Variants in CIT observed in about 807,000 individuals in gnomAD.
CIT encodes citron Rho-interacting kinase.
A neutral mutation model predicts 272.7 loss-of-function variants in CIT; 79 were observed. That is an observed-to-expected ratio of 0.29 (90% CI 0.24 to 0.35). The LOEUF (loss-of-function observed/expected upper bound fraction) is 0.35, where lower values mean the gene tolerates loss of function less well. Among genes scored for constraint, CIT ranks in the 10% least tolerant of loss-of-function variants. CIT has a pLI of 1.00. For missense variants in CIT, 1,909 were observed against 2,618.3 expected, an observed-to-expected ratio of 0.73 and a Z score of 5.91; for synonymous variants, 948 against 995.6, an observed-to-expected ratio of 0.95 and a Z score of 0.90.
intron 5 of CIT, among the ~76,000 whole-genome samples, chr12:119,838,223 C>G (rs962488591): frequency 6.6e-6 from 1 of 151,984 alleles, no homozygotes; most frequent in South Asian, 2.1e-4. Flanking sequence ...CAGGCATGCG[C>G]CACCATGCCC....
At chr12:119,752,306 GA>G (rs1960374100) in intron 22 of CIT, 59 bp from the exon 23 acceptor site, 1 of 1,462,630 alleles carries the variant, frequency 6.8e-7, no homozygotes, top group Non-Finnish European at 9.2e-7. Context: ...GAACAAAAGA[GA>G]AAGTGAAGAC....
intron 9 of CIT, among the ~76,000 whole-genome samples, chr12:119,807,156 G>A (rs565174694): frequency 6.6e-6 from 1 of 152,306 alleles, no homozygotes; most frequent in East Asian, 1.9e-4. Context: ...AGGTCCCCAG[G>A]TGATTCATGT....
intron 28 of CIT, among the ~76,000 whole-genome samples, chr12:119,727,452 G>A (rs914019406): frequency 1.3e-5 from 2 of 152,154 alleles, no homozygotes; most frequent in African/African-American, 2.4e-5. Flanking sequence ...GATTCAGAAG[G>A]GGGAAGGCGA....
intron 22 of CIT, among the ~76,000 whole-genome samples, chr12:119,756,828 T>C (rs1961050992): frequency 6.6e-6 from 1 of 152,156 alleles, no homozygotes; most frequent in South Asian, 2.1e-4. Flanking sequence ...TTTTCTCTTT[T>C]AGAAAGCTAG....
Position 119,804,505 on chromosome 12 carries a change from G to A in CIT, c.1112-1116C>T, listed in dbSNP as rs1966478775. 1.0e-6 allele frequency: 1 copy of A among 985,098 alleles called. No individual in the cohort carries two copies. The highest frequency in any genetic ancestry group is 4.7e-5 in the South Asian group (1 of 21,278). The allele number at this position is 985,098 out of a possible 1,614,324, so 61.0% of individuals were successfully genotyped here. On this transcript the variant is annotated intron_variant, in intron 9 of 47. Coordinates refer to ENST00000392521, the MANE Select transcript of CIT (RefSeq NM_001206999.2). The surrounding 1 kb of genome is among the most constrained non-coding windows in gnomAD (Gnocchi z 5.3). ...GCTGATCCCAGTGACAGAGCAGCAT[G>A]AGTCACTGCCCGCCAGGGCTCGCTA... is the stretch of plus-strand genomic sequence containing the variant.
rs1474606701 is a variant in CIT at position 119,718,904 on chromosome 12, G to A, written c.3841-43C>T. 5 of 1,600,142 alleles carry A rather than the reference G, an allele frequency of 3.1e-6. No homozygotes were observed. In the African/African-American group the frequency reaches 6.7e-5, roughly 21 times the overall value. ...GATATCTCCTAACTCCTGGAAACTG[G>A]CACTTGAAACTAGCTAAAGGAAATC... On this transcript the variant is annotated intron_variant, in intron 30 of 47. Transcript: ENST00000392521. The surrounding 1 kb of genome is among the most constrained non-coding windows in gnomAD (Gnocchi z 4.8).
At chr12:119,746,552 C>G (rs987263824) in intron 23 of CIT, among the ~76,000 whole-genome samples, 5 of 152,310 alleles carry the variant, frequency 3.3e-5, no homozygotes, top group South Asian at 2.1e-4. Flanking sequence ...TCCACAGGGA[C>G]AGAAGCCCTA....
chr12:119,779,022 C>G (rs1475922301), intron 13 of CIT, among the ~76,000 whole-genome samples: 1 of 152,104 alleles, frequency 6.6e-6, no homozygotes, highest in Non-Finnish European at 1.5e-5. Flanking sequence ...GAGTTCAAGA[C>G]CAGCCTGGCC....
intron 7 of CIT, among the ~76,000 whole-genome samples, chr12:119,828,571 ATT>A (rs767267101): frequency 6.9e-6 from 1 of 145,012 alleles, no homozygotes; most frequent in Non-Finnish European, 1.5e-5. Context: ...AACTTAGTTA[ATT>A]TTTTTTTTTT....
In CIT at chr12:119,690,618, A is replaced by G. The variant is rs946738044; in HGVS notation, c.5883-164T>C. 2.0e-5 allele frequency among the ~76,000 whole-genome samples: 3 copies of G among 152,188 alleles called. No individual in the cohort carries two copies. Among genetic ancestry groups the G allele is most frequent in the African/African-American group, 2.4e-5 (1 of 41,444 alleles). On this transcript the variant is annotated intron_variant, in intron 46 of 47. Transcript: ENST00000392521. The surrounding 1 kb of genome is among the most constrained non-coding windows in gnomAD (Gnocchi z 6.0). ...TTGCCTGCATTTGATTTTGGTAGCA[A>G]AGACAGGGAAGAGAGCAAAGATGGC...
At chr12:119,708,779 C>T (rs1174409284) in intron 39 of CIT, among the ~76,000 whole-genome samples, 1 of 152,196 alleles carries the variant, frequency 6.6e-6, no homozygotes, top group Admixed American at 6.5e-5. Flanking sequence ...TGAGCCACCA[C>T]GCCCGGCCCA....
chr12:119,804,189 G>A lies in CIT; in HGVS notation c.1112-800C>T, dbSNP rs1966446076. The A allele has an allele frequency of 1.0e-6, 1 of 985,382 alleles. No individual in the cohort carries two copies. 61.0% of individuals were successfully genotyped at this position (985,382 alleles called of 1,614,324 possible). On this transcript the variant is annotated intron_variant, in intron 9 of 47. Coordinates refer to ENST00000392521, the MANE Select transcript of CIT (RefSeq NM_001206999.2). The surrounding 1 kb of genome is among the most constrained non-coding windows in gnomAD (Gnocchi z 5.3). ...TCCTCAGGGCTTCACTCCCGGCTGG[G>A]GGCGTGTTACATCCTCTCCACTTCC...
chr12:119,707,444 G>A (rs1956939732), intron 40 of CIT, among the ~76,000 whole-genome samples: 1 of 152,164 alleles, frequency 6.6e-6, no homozygotes, highest in Admixed American at 6.5e-5. Flanking sequence ...AGCAGGAGGA[G>A]GCCATGAAGA....
intron 10 of CIT, among the ~76,000 whole-genome samples, chr12:119,801,736 G>T (rs74552068): frequency 2.6e-5 from 4 of 152,220 alleles, no homozygotes; most frequent in Non-Finnish European, 5.9e-5. Flanking sequence ...TCCCAATCCT[G>T]CTGAGCCGTT....
At chr12:119,845,812 T>G (rs1476922419) in intron 5 of CIT, among the ~76,000 whole-genome samples, 1 of 151,016 alleles carries the variant, frequency 6.6e-6, no homozygotes, top group East Asian at 2.0e-4. Context: ...GAGCCGGGCG[T>G]GGTGTCACAC....
rs1383089025 is a variant in CIT, at chr12:119,728,679, A to G, written c.3487-73T>C. The stretch of plus-strand genomic sequence containing the variant: ...ATGCTGACAACGTTTATGAATGTCC[A>G]CGAACCTTCACGGAGAAAGAATATT... On this transcript the variant is annotated intron_variant, in intron 27 of 47. Transcript: ENST00000392521. The surrounding 1 kb of genome is among the most constrained non-coding windows in gnomAD (Gnocchi z 4.3). The G allele has an allele frequency of 1.0e-6, 1 of 999,454 alleles. No homozygotes were observed. Among genetic ancestry groups the G allele is most frequent in the Non-Finnish European group, 1.5e-6 (1 of 651,432 alleles). The allele number at this position is 999,454 out of a possible 1,614,324, so 61.9% of individuals were successfully genotyped here. A position where few individuals can be genotyped will look rare whatever the true frequency, so the allele number is the denominator to read the frequency against.
chr12:119,721,259 G>C, intron 29 of CIT, 50 bp downstream of exon 29: 3 of 1,534,986 alleles, frequency 2.0e-6, no homozygotes, highest in Non-Finnish European at 2.7e-6. Flanking sequence ...GAGCCACTGC[G>C]CCCAGCCGTG....
chr12:119,720,397 T>C (rs1957762831), intron 30 of CIT, 81 bp downstream of exon 30: 1 of 911,480 alleles, frequency 1.1e-6, no homozygotes. Context: ...GTTCCTATGA[T>C]CATATATCAC....
intron 10 of CIT, among the ~76,000 whole-genome samples, chr12:119,794,692 C>T (rs1965586125): frequency 6.6e-6 from 1 of 152,252 alleles, no homozygotes; most frequent in Non-Finnish European, 1.5e-5. Flanking sequence ...TCTGTCAGGC[C>T]CCCCACGTGG....
Sources: allele counts gnomAD v4.1 joint callset (sites outside exome capture counted in the v4.1 genomes callset), GRCh38; gene constraint gnomAD v4.1.1; non-coding constraint Gnocchi (gnomAD v3.1); transcripts MANE v1.5; gene names NCBI Gene and HGNC (gene_info 2026-07-23, HGNC 2026-07-21).